AATF: variants seen among roughly 807,000 people sequenced by gnomAD.
AATF encodes the protein apoptosis antagonizing transcription factor.
A neutral mutation model predicts 63.7 loss-of-function variants in AATF; 48 were observed. The observed-to-expected ratio is 0.75, with a 90% confidence interval of 0.60 to 0.96. The LOEUF (loss-of-function observed/expected upper bound fraction) is 0.96. AATF is among the 40% of genes least tolerant of loss of function. AATF has a pLI of 0.00. For missense variants in AATF, 639 were observed against 685.7 expected, an observed-to-expected ratio of 0.93 and a Z score of 0.76; for synonymous variants, 258 against 247.7, an observed-to-expected ratio of 1.04 and a Z score of -0.39.
At chr17:37,046,479 G>A (rs2071692399) in intron 11 of AATF, among the ~76,000 whole-genome samples, 1 of 152,112 alleles carries the variant, frequency 6.6e-6, no homozygotes, top group Non-Finnish European at 1.5e-5. Flanking sequence ...TTGCTCCCCA[G>A]GCCCCAGCGG....
chr17:37,043,419 G>T (rs2071660774), intron 11 of AATF, among the ~76,000 whole-genome samples: 1 of 151,986 alleles, frequency 6.6e-6, no homozygotes, highest in Non-Finnish European at 1.5e-5. Flanking sequence ...GCCTTTCTAG[G>T]GAGACTTCAG....
intron 10 of AATF, among the ~76,000 whole-genome samples, chr17:37,026,608 G>C (rs1229523229): frequency 6.6e-6 from 1 of 152,226 alleles, no homozygotes; most frequent in Non-Finnish European, 1.5e-5. Context: ...TGTGAAAGGA[G>C]TATAATCATA....
chr17:37,018,473 T>C (rs918685328), intron 8 of AATF, among the ~76,000 whole-genome samples: 1 of 152,228 alleles, frequency 6.6e-6, no homozygotes, highest in Non-Finnish European at 1.5e-5. Context: ...GCAAGCATGG[T>C]AGAGTAGCAG....
chr17:37,020,980 G>C lies in AATF; in HGVS notation c.1513G>C (p.Val505Leu), dbSNP rs1248270397. The C allele has an allele frequency of 1.2e-6, 2 of 1,611,624 alleles. No homozygotes were observed. Among genetic ancestry groups the C allele is most frequent in the Non-Finnish European group, 1.7e-6 (2 of 1,178,858 alleles). Residue 505 changes from valine to leucine, a missense_variant, in exon 10 of 12, where the codon GTA becomes CTA. Coordinates refer to ENST00000619387, the MANE Select transcript of AATF (RefSeq NM_012138.4). ...QKLRSKIHKK[V>L]DRKASKGRKL... is the part of the protein sequence containing the mutation. ...GTTACGAAGCAAAATCCACAAAAAA[G>C]TAGATAGGAAAGCCAGCAAAGGCAG...
In AATF at chr17:36,949,036, G is replaced by C. The variant is rs1035845918; in HGVS notation, c.-90G>C. 78 of 1,200,394 alleles carry C rather than the reference G, an allele frequency of 6.5e-5. No individual in the cohort carries two copies. The highest frequency in any genetic ancestry group is 1.9e-4 in the Middle Eastern group (1 of 5,226). The allele number at this position is 1,200,394 out of a possible 1,614,324, so 74.4% of individuals were successfully genotyped here. On this transcript the variant is annotated 5_prime_UTR_variant, in exon 1 of 12. Coordinates refer to ENST00000619387, the MANE Select transcript of AATF (RefSeq NM_012138.4). ...CGGAGTCGGGGAATCGGATCAAGGC[G>C]AGAGGATCCGGCAGGGAAGGAGCTT... is the stretch of plus-strand genomic sequence containing the variant.
chr17:36,969,109 GA>G (rs1203637127), intron 4 of AATF, among the ~76,000 whole-genome samples: 1 of 152,158 alleles, frequency 6.6e-6, no homozygotes, highest in African/African-American at 2.4e-5. Flanking sequence ...AGTTGATTGG[GA>G]ACTTTGTATG....
intron 8 of AATF, among the ~76,000 whole-genome samples, chr17:37,001,446 AGGAAGG>A (rs2071296385): frequency 7.4e-6 from 1 of 135,180 alleles, no homozygotes. Flanking sequence ...GAAGGAAGGA[AGGAAGG>A]AAGAAAAAAA....
At chr17:37,029,871 G>A (rs552235946) in intron 10 of AATF, among the ~76,000 whole-genome samples, 1 of 151,536 alleles carries the variant, frequency 6.6e-6, no homozygotes, top group South Asian at 2.1e-4. Flanking sequence ...CTGGCCAGTT[G>A]TTTTTACTTT....
chr17:36,990,592 G>T (rs1464269588), intron 7 of AATF, among the ~76,000 whole-genome samples, 182 bp from the exon 8 acceptor site: 1 of 152,030 alleles, frequency 6.6e-6, no homozygotes, highest in Non-Finnish European at 1.5e-5. Context: ...GGTTTTTTTG[G>T]TCAACTGCCT....
intron 1 of AATF, 63 bp downstream of exon 1, chr17:36,949,279 G>T: frequency 1.3e-6 from 2 of 1,484,018 alleles, no homozygotes; most frequent in Non-Finnish European, 9.1e-7. Flanking sequence ...GGGCAAGGGG[G>T]CGGCGTGGGA....
intron 4 of AATF, among the ~76,000 whole-genome samples, chr17:36,972,339 G>A (rs1567969423): frequency 6.6e-6 from 1 of 152,288 alleles, no homozygotes; most frequent in Non-Finnish European, 1.5e-5. Context: ...GTGATATAAT[G>A]TGGTTTGGAC....
intron 9 of AATF, among the ~76,000 whole-genome samples, chr17:37,019,759 A>G (rs2071455451): frequency 6.6e-6 from 1 of 152,268 alleles, no homozygotes; most frequent in Admixed American, 6.5e-5. Flanking sequence ...TCGAGAAAGC[A>G]GTGAAAAATT....
intron 4 of AATF, among the ~76,000 whole-genome samples, chr17:36,956,799 A>G (rs1163857711): frequency 6.6e-6 from 1 of 152,182 alleles, no homozygotes; most frequent in African/African-American, 2.4e-5. Flanking sequence ...CAACGTGGTG[A>G]AATCCCATCT....
At chr17:36,999,362 A>G (rs946305968) in intron 8 of AATF, among the ~76,000 whole-genome samples, 1 of 152,206 alleles carries the variant, frequency 6.6e-6, no homozygotes, top group African/African-American at 2.4e-5. Context: ...TGTGCTGTCT[A>G]ATGTAGTAAC....
intron 10 of AATF, among the ~76,000 whole-genome samples, chr17:37,021,915 T>C (rs568837566): frequency 3.3e-5 from 5 of 151,944 alleles, no homozygotes; most frequent in East Asian, 3.9e-4. Context: ...TAAAAAGATA[T>C]AAGTGAAGGA....
At chr17:36,983,919 A>G (rs2071147165) in intron 4 of AATF, among the ~76,000 whole-genome samples, 1 of 152,234 alleles carries the variant, frequency 6.6e-6, no homozygotes, top group African/African-American at 2.4e-5. Flanking sequence ...CTAGTCTGAG[A>G]TGGCTCTCTC....
rs1228573521 is a variant in AATF at position 37,051,693 on chromosome 17, GACAGACACAC to G, written c.1620-4904_1620-4895del. 9.4e-4 allele frequency among the ~76,000 whole-genome samples: 133 copies of G among 141,034 alleles called. 1 individual carries two copies. The highest frequency in any genetic ancestry group is 3.4e-3 in the African/African-American group (125 of 36,506). 92.5% of individuals were successfully genotyped at this position (141,034 alleles called of 152,430 possible). ...GAATCCTAAGACAGACAGACAGACA[GACAGACACAC>G]ACACACACACACACACACACACACA... On this transcript the variant is annotated intron_variant, in intron 11 of 11. Coordinates refer to ENST00000619387, the MANE Select transcript of AATF (RefSeq NM_012138.4).
intron 9 of AATF, among the ~76,000 whole-genome samples, chr17:37,019,655 G>A (rs8064614): frequency 0.14 from 21,707 of 152,070 alleles, 1,920 homozygotes; most frequent in South Asian, 0.22. Context: ...AATGAATAGT[G>A]TACATTTAAA....
intron 11 of AATF, among the ~76,000 whole-genome samples, chr17:37,054,199 G>A (rs1000875686): frequency 6.6e-6 from 1 of 152,020 alleles, no homozygotes; most frequent in Non-Finnish European, 1.5e-5. Flanking sequence ...CGTGTGGGGC[G>A]GGGATCTTCA....
Sources: gnomAD v4.1 joint callset for allele counts (sites outside exome capture counted in the v4.1 genomes callset) on GRCh38, gnomAD v4.1.1 for gene constraint, MANE v1.5 for transcripts, NCBI Gene and HGNC (gene_info 2026-07-23, HGNC 2026-07-21) for gene names.